The following TAOK3 variants were observed in gnomAD, a reference collection of about 807,000 sequenced individuals.
TAOK3 encodes the protein TAO kinase 3.
In TAOK3, 40 loss-of-function variants were observed where a neutral mutation model predicts 120.4. The ratio of observed to expected loss-of-function variants is 0.33; its 90% CI spans 0.26 to 0.43. TAOK3 has a LOEUF of 0.43. Among genes scored for constraint, TAOK3 ranks in the 20% least tolerant of loss-of-function variants. The pLI is 1.00. For missense variants in TAOK3, 821 were observed against 1,112.1 expected, an observed-to-expected ratio of 0.74 and a Z score of 3.72; for synonymous variants, 355 against 387.5, an observed-to-expected ratio of 0.92 and a Z score of 0.99.
intron 1 of TAOK3, among the ~76,000 whole-genome samples, chr12:118,339,275 CTTT>C (rs72009582): frequency 3.8e-4 from 33 of 86,920 alleles, no homozygotes; most frequent in East Asian, 3.3e-3. Context: ...CTTCATCATA[CTTT>C]TTTTTTTTTT....
intron 1 of TAOK3, among the ~76,000 whole-genome samples, chr12:118,299,567 T>C (rs2042801959): frequency 6.6e-6 from 1 of 152,184 alleles, no homozygotes; most frequent in Non-Finnish European, 1.5e-5. Flanking sequence ...TGGAGTGCAG[T>C]GGCTCGATCT....
At chr12:118,182,116 C>T (rs952579838) in intron 14 of TAOK3, among the ~76,000 whole-genome samples, 8 of 151,834 alleles carry the variant, frequency 5.3e-5, no homozygotes, top group Non-Finnish European at 8.8e-5. Flanking sequence ...ACCCGAGAGG[C>T]GGAGGCTGCA....
intron 2 of TAOK3, among the ~76,000 whole-genome samples, chr12:118,260,540 TA>T (rs34813682): frequency 6.6e-6 from 1 of 152,196 alleles, no homozygotes; most frequent in Non-Finnish European, 1.5e-5. Context: ...TGATACATGT[TA>T]AAATTAGTGG....
chr12:118,178,443 A>T (rs1483930196), intron 15 of TAOK3, among the ~76,000 whole-genome samples: 1 of 152,130 alleles, frequency 6.6e-6, no homozygotes, highest in Non-Finnish European at 1.5e-5. Flanking sequence ...GTGTAATTGG[A>T]ACGCTAACGG....
intron 1 of TAOK3, among the ~76,000 whole-genome samples, chr12:118,269,306 C>T (rs1269418864): frequency 6.6e-6 from 1 of 151,530 alleles, no homozygotes; most frequent in Non-Finnish European, 1.5e-5. Context: ...GGAGGACAGG[C>T]TCTTGCCACC....
intron 5 of TAOK3, among the ~76,000 whole-genome samples, chr12:118,239,646 A>G (rs1038679598): frequency 6.6e-6 from 1 of 152,246 alleles, no homozygotes; most frequent in Non-Finnish European, 1.5e-5. Context: ...CAAATACACG[A>G]GCCAGTAAAA....
chr12:118,353,556 G>A (rs531670913), intron 1 of TAOK3, among the ~76,000 whole-genome samples: 1 of 152,152 alleles, frequency 6.6e-6, no homozygotes, highest in Admixed American at 6.5e-5. Context: ...CTCTGAAAAG[G>A]GAGTGACATG....
chr12:118,165,632 C>A (rs1162609636), intron 17 of TAOK3, among the ~76,000 whole-genome samples: 1 of 152,192 alleles, frequency 6.6e-6, no homozygotes, highest in African/African-American at 2.4e-5. Context: ...TTCAGCTCCT[C>A]TATAAGTCTT....
At chr12:118,289,823 C>G (rs1353450087) in intron 1 of TAOK3, among the ~76,000 whole-genome samples, 1 of 151,952 alleles carries the variant, frequency 6.6e-6, no homozygotes, top group Non-Finnish European at 1.5e-5. Context: ...GGCGAAACCC[C>G]CATCTCTACT....
chr12:118,302,844 T>C (rs868401896), intron 1 of TAOK3, among the ~76,000 whole-genome samples: 27 of 152,172 alleles, frequency 1.8e-4, no homozygotes, highest in African/African-American at 6.5e-4. Context: ...GCATTTTTTT[T>C]CTACAAGTGA....
Position 118,201,313 on chromosome 12 carries a change from A to G in TAOK3, c.970T>C (p.Ser324Pro), listed in dbSNP as rs535119046. The change falls in exon 12 of 21, where the codon TCA becomes CCA. Residue 324 changes from serine (S) to proline (P), a missense_variant. Physicochemically the swap from Ser to Pro is moderately conservative, Grantham distance 74 (BLOSUM62 -1). Around this residue, in one of 2 missense-constraint regions of TAOK3, gnomAD observed 467 missense variants for 540.0 expected, o/e 0.86. Transcript: ENST00000392533. ...GAACCTACTTCCTCATCCTCCTGTG[A>G]CTCATTCAAGGGTCCATTCCGTGTC... Reference protein sequence around the residue: ...QETRNGPLNESQEDEEDSEHG... With the variant: ...QETRNGPLNEPQEDEEDSEHG... 13 of 1,613,264 alleles carry G rather than the reference A, an allele frequency of 8.1e-6. 1 individual carries two copies. In the South Asian group the frequency reaches 1.4e-4, roughly 18 times the overall value.
At chr12:118,243,108 TCTA>T (rs1224083614) in intron 5 of TAOK3, among the ~76,000 whole-genome samples, 91 of 152,058 alleles carry the variant, frequency 6.0e-4, no homozygotes, top group African/African-American at 2.1e-3. Context: ...AGATAAAAAT[TCTA>T]GGATGAGAAT....
At chr12:118,248,248 A>T (rs538983232) in intron 3 of TAOK3, among the ~76,000 whole-genome samples, 5 of 150,138 alleles carry the variant, frequency 3.3e-5, no homozygotes, top group Admixed American at 6.6e-5. Context: ...AGTTTTTTTT[A>T]AAAAAGCATT....
At chr12:118,249,141 T>G (rs1192259190) in intron 3 of TAOK3, among the ~76,000 whole-genome samples, 1 of 152,238 alleles carries the variant, frequency 6.6e-6, no homozygotes, top group Non-Finnish European at 1.5e-5. Context: ...ATGGTCTCAG[T>G]AACTATTACC....
At chr12:118,191,414 G>A (rs2037423463) in intron 13 of TAOK3, among the ~76,000 whole-genome samples, 1 of 152,154 alleles carries the variant, frequency 6.6e-6, no homozygotes, top group South Asian at 2.1e-4. Flanking sequence ...GCGCTGTCCA[G>A]CAAGATAGTG....
At chr12:118,344,442 A>G (rs998538533) in intron 1 of TAOK3, among the ~76,000 whole-genome samples, 1 of 152,046 alleles carries the variant, frequency 6.6e-6, no homozygotes, top group African/African-American at 2.4e-5. Context: ...CTCACAGGGG[A>G]GAAGCAGTGT....
intron 17 of TAOK3, among the ~76,000 whole-genome samples, chr12:118,163,305 C>T (rs17440336): frequency 0.12 from 18,319 of 152,176 alleles, 1,201 homozygotes; most frequent in Middle Eastern, 0.15. Context: ...GTAGGTCTAG[C>T]TGTATTACTG....
At chr12:118,368,175 G>C (rs558139415) in intron 1 of TAOK3, among the ~76,000 whole-genome samples, 2 of 152,274 alleles carry the variant, frequency 1.3e-5, no homozygotes, top group South Asian at 2.1e-4. Context: ...GAACTGTAAG[G>C]CTCCATCTTA....
intron 1 of TAOK3, among the ~76,000 whole-genome samples, chr12:118,285,758 C>T (rs1041500964): frequency 1.3e-5 from 2 of 152,136 alleles, no homozygotes; most frequent in African/African-American, 4.8e-5. Context: ...AGGTTGAGGA[C>T]GTGCACCCAT....
Sources: gnomAD v4.1 joint callset for allele counts (sites outside exome capture counted in the v4.1 genomes callset) on GRCh38, gnomAD v4.1.1 for gene constraint, gnomAD v4.1.1 regional missense constraint, MANE v1.5 for transcripts, NCBI Gene and HGNC (gene_info 2026-07-23, HGNC 2026-07-21) for gene names.